IGF2BP2: variants seen among roughly 807,000 people sequenced by gnomAD.
The protein encoded by IGF2BP2 is insulin like growth factor 2 mRNA binding protein 2.
IGF2BP2 carries 17 observed loss-of-function variants against 75.8 expected under a neutral mutation model. The observed-to-expected ratio is 0.22, with a 90% CI of 0.15 to 0.34. The LOEUF (loss-of-function observed/expected upper bound fraction) is 0.34, where lower values mean the gene tolerates loss of function less well. Among genes scored for constraint, IGF2BP2 ranks in the 10% least tolerant of loss-of-function variants. The probability of loss-of-function intolerance (pLI) is 1.00; values close to 1 mark genes in which losing one functional copy is unlikely to be tolerated. For missense variants in IGF2BP2, 516 were observed against 772.4 expected, an observed-to-expected ratio of 0.67 and a Z score of 3.93; for synonymous variants, 288 against 295.6, an observed-to-expected ratio of 0.97 and a Z score of 0.26.
At chr3:185,750,973 C>G (rs1266641132) in intron 2 of IGF2BP2, among the ~76,000 whole-genome samples, 1 of 152,048 alleles carries the variant, frequency 6.6e-6, no homozygotes, top group Non-Finnish European at 1.5e-5. Flanking sequence ...TCCCAGCACT[C>G]TGGGAGGCCA....
chr3:185,654,456 C>T (rs1037186701), intron 12 of IGF2BP2, among the ~76,000 whole-genome samples: 2 of 152,158 alleles, frequency 1.3e-5, no homozygotes, highest in African/African-American at 2.4e-5. Flanking sequence ...CCACCCAAAC[C>T]GAGAAGGGCG....
At position 185,644,314 on chromosome 3, in the gene IGF2BP2, C is replaced by A. The variant is rs1455930140; in HGVS notation, c.*1217G>T. 3 of 152,094 alleles carry A rather than the reference C, an allele frequency of 2.0e-5. No individual in the cohort carries two copies. In the South Asian group the frequency reaches 6.3e-4, roughly 32 times the overall value. The allele number at this position is 152,094 out of a possible 1,614,324, so 9.4% of individuals were successfully genotyped here. On this transcript the variant is annotated 3_prime_UTR_variant, in exon 16 of 16. Coordinates refer to ENST00000382199, the MANE Select transcript of IGF2BP2 (RefSeq NM_006548.6). The stretch of plus-strand genomic sequence containing the variant: ...CTTGGTAAATTTCTACTTTCCTCCA[C>A]ATTTTTTTTTTTTAAAGAAAGGAAT...
intron 2 of IGF2BP2, among the ~76,000 whole-genome samples, chr3:185,805,890 C>G (rs533195845): frequency 6.6e-6 from 1 of 151,912 alleles, no homozygotes; most frequent in Non-Finnish European, 1.5e-5. Context: ...CCTGCCTCAG[C>G]CTCCCAAGTA....
intron 4 of IGF2BP2, among the ~76,000 whole-genome samples, 179 bp from the exon 5 acceptor site, chr3:185,692,941 T>C (rs1033166426): frequency 2.6e-5 from 4 of 152,386 alleles, no homozygotes; most frequent in Non-Finnish European, 5.9e-5. Flanking sequence ...CAATTGTATA[T>C]AACACGTTTG....
chr3:185,762,389 C>T (rs1251284677), intron 2 of IGF2BP2, among the ~76,000 whole-genome samples: 1 of 112,572 alleles, frequency 8.9e-6, no homozygotes, highest in African/African-American at 4.0e-5. Flanking sequence ...AAAAAAAAGC[C>T]GGGTGTGGTG....
At chr3:185,794,275 T>A (rs966526823) in intron 2 of IGF2BP2, among the ~76,000 whole-genome samples, 4 of 70,786 alleles carry the variant, frequency 5.7e-5, no homozygotes, top group Non-Finnish European at 8.6e-5. Flanking sequence ...CCAGAGCAGA[T>A]CCTAGAGACC....
intron 10 of IGF2BP2, among the ~76,000 whole-genome samples, chr3:185,663,151 T>C (rs752465551): frequency 6.6e-5 from 10 of 152,190 alleles, no homozygotes; most frequent in South Asian, 2.1e-4. Context: ...CCCTGAGGGA[T>C]AGGGAGGTTG....
chr3:185,709,168 G>A (rs930271258), intron 2 of IGF2BP2, among the ~76,000 whole-genome samples: 5 of 152,160 alleles, frequency 3.3e-5, no homozygotes, highest in African/African-American at 1.2e-4. Context: ...TGTTTGCTTT[G>A]TGTGGCACAT....
intron 2 of IGF2BP2, among the ~76,000 whole-genome samples, chr3:185,751,309 G>A (rs572103822): frequency 5.3e-5 from 8 of 152,170 alleles, no homozygotes; most frequent in Non-Finnish European, 1.0e-4. Flanking sequence ...CGGGTGTGGT[G>A]GCTCATGCCT....
intron 2 of IGF2BP2, among the ~76,000 whole-genome samples, chr3:185,782,633 A>C (rs1486983669): frequency 6.6e-6 from 1 of 152,172 alleles, no homozygotes; most frequent in Non-Finnish European, 1.5e-5. Flanking sequence ...TATTCCTAGT[A>C]ATTTTATTCC....
At chr3:185,753,112 G>A (rs1731168676) in intron 2 of IGF2BP2, among the ~76,000 whole-genome samples, 1 of 152,134 alleles carries the variant, frequency 6.6e-6, no homozygotes, top group African/African-American at 2.4e-5. Context: ...ATTTTACGCT[G>A]TGCTTCTCAA....
chr3:185,775,014 C>T (rs1259835855), intron 2 of IGF2BP2, among the ~76,000 whole-genome samples: 12 of 150,464 alleles, frequency 8.0e-5, no homozygotes, highest in African/African-American at 2.2e-4. Flanking sequence ...AGTCAGACTC[C>T]GTCTAAAAAG....
intron 2 of IGF2BP2, among the ~76,000 whole-genome samples, chr3:185,703,718 G>A (rs1723622511): frequency 6.6e-6 from 1 of 152,138 alleles, no homozygotes; most frequent in African/African-American, 2.4e-5. Flanking sequence ...AGGCTGCAGT[G>A]AGCCGAGACT....
chr3:185,775,644 T>A (rs895304320), intron 2 of IGF2BP2, among the ~76,000 whole-genome samples: 2 of 152,116 alleles, frequency 1.3e-5, no homozygotes, highest in Non-Finnish European at 2.9e-5. Flanking sequence ...AACATAAGAC[T>A]AATAAGCTTA....
intron 6 of IGF2BP2, 62 bp downstream of exon 6, chr3:185,689,293 A>G (rs1721580916): frequency 6.4e-7 from 1 of 1,555,132 alleles, no homozygotes; most frequent in East Asian, 2.2e-5. Flanking sequence ...AGAGTGGCTG[A>G]GACCCACCAG....
intron 2 of IGF2BP2, among the ~76,000 whole-genome samples, chr3:185,718,732 A>C (rs1375924655): frequency 1.3e-5 from 2 of 150,602 alleles, no homozygotes. Flanking sequence ...TCCCTCCTGG[A>C]ACTGGCAGAT....
At chr3:185,785,226 G>A (rs988722390) in intron 2 of IGF2BP2, among the ~76,000 whole-genome samples, 17 of 150,968 alleles carry the variant, frequency 1.1e-4, no homozygotes, top group Middle Eastern at 3.4e-3. Context: ...GCTTGAACCT[G>A]GGAGATGGAG....
chr3:185,686,457 G>A (rs936674740), intron 7 of IGF2BP2, among the ~76,000 whole-genome samples: 1 of 151,778 alleles, frequency 6.6e-6, no homozygotes, highest in Non-Finnish European at 1.5e-5. Context: ...GAAGAATAAA[G>A]CAGCCATGTG....
intron 6 of IGF2BP2, 112 bp downstream of exon 6, chr3:185,689,243 A>G: frequency 8.9e-7 from 1 of 1,123,994 alleles, no homozygotes; most frequent in Non-Finnish European, 1.3e-6. Flanking sequence ...TGTCTCTTAC[A>G]GCACAGCCCC....
Sources: allele counts gnomAD v4.1 joint callset (sites outside exome capture counted in the v4.1 genomes callset), GRCh38; gene constraint gnomAD v4.1.1; transcripts MANE v1.5; gene names NCBI Gene and HGNC (gene_info 2026-07-23, HGNC 2026-07-21).